The following TTC29 variants were observed in gnomAD, a reference collection of about 807,000 sequenced individuals.
TTC29 encodes tetratricopeptide repeat protein 29.
Under a neutral mutation model 58.1 loss-of-function variants are expected in TTC29, and 49 were observed. The observed-to-expected ratio is 0.84, with a 90% CI of 0.67 to 1.07. The LOEUF (loss-of-function observed/expected upper bound fraction) is 1.07. Among genes scored for constraint, TTC29 ranks in the 50% least tolerant of loss-of-function variants. The pLI is 0.00. For synonymous variants in TTC29, 209 were observed against 196.8 expected, an observed-to-expected ratio of 1.06 and a Z score of -0.52; for missense variants, 582 against 555.6, an observed-to-expected ratio of 1.05 and a Z score of -0.48.
intron 11 of TTC29, among the ~76,000 whole-genome samples, chr4:146,754,391 A>T (rs1746272155): frequency 6.6e-6 from 1 of 152,154 alleles, no homozygotes; most frequent in Non-Finnish European, 1.5e-5. Context: ...AATTATACCA[A>T]TACTTCTTAA....
chr4:146,883,616 T>C (rs746634122), intron 6 of TTC29, among the ~76,000 whole-genome samples: 1 of 152,074 alleles, frequency 6.6e-6, no homozygotes, highest in African/African-American at 2.4e-5. Flanking sequence ...GCAGTGCCTC[T>C]TCCTAGACAG....
Position 146,771,007 on chromosome 4 carries a change from A to G in TTC29, c.1330+32450T>C, listed in dbSNP as rs58281443. 2.4e-3 allele frequency among the ~76,000 whole-genome samples: 369 copies of G among 152,162 alleles called. 2 individuals are homozygous for G. Among genetic ancestry groups the G allele is most frequent in the African/African-American group, 8.5e-3 (354 of 41,562 alleles). On this transcript the variant is annotated intron_variant, in intron 11 of 12. Coordinates refer to ENST00000325106, the MANE Select transcript of TTC29 (RefSeq NM_031956.4). ...TTAGTCATTATTTTCTATTAGTTCT[A>G]AAGTTTTAGCTGTTATTATGTCCAA...
chr4:146,801,071 G>A (rs1026772584), intron 11 of TTC29, among the ~76,000 whole-genome samples: 2 of 152,132 alleles, frequency 1.3e-5, no homozygotes, highest in African/African-American at 4.8e-5. Context: ...TAAACCATGT[G>A]GTATGCTGAG....
intron 11 of TTC29, among the ~76,000 whole-genome samples, chr4:146,727,701 T>A (rs183128483): frequency 4.7e-4 from 71 of 152,352 alleles, no homozygotes; most frequent in African/African-American, 1.6e-3. Flanking sequence ...TGAATAATAT[T>A]CCATTGTCGG....
chr4:146,834,848 T>C (rs971218519), intron 8 of TTC29, among the ~76,000 whole-genome samples: 1 of 152,128 alleles, frequency 6.6e-6, no homozygotes, highest in African/African-American at 2.4e-5. Flanking sequence ...GTGTCAATAT[T>C]TGGGAAATAA....
intron 11 of TTC29, among the ~76,000 whole-genome samples, chr4:146,791,599 C>T (rs78382281): frequency 2.0e-5 from 3 of 152,192 alleles, no homozygotes; most frequent in Admixed American, 6.6e-5. Context: ...TAACCCTACA[C>T]TGGCCTCTAA....
chr4:146,864,222 C>T (rs1301392821), intron 8 of TTC29, among the ~76,000 whole-genome samples: 1 of 152,010 alleles, frequency 6.6e-6, no homozygotes, highest in Non-Finnish European at 1.5e-5. Context: ...ACATTCCCTA[C>T]CCCCGAAAAC....
chr4:146,919,885 T>A (rs1734471137), intron 4 of TTC29, among the ~76,000 whole-genome samples: 2 of 151,138 alleles, frequency 1.3e-5, no homozygotes, highest in Admixed American at 1.3e-4. Context: ...AGTTGCATTA[T>A]AAAGAAAACT....
chr4:146,843,728 T>A (rs1418522093), intron 8 of TTC29, among the ~76,000 whole-genome samples: 1 of 152,220 alleles, frequency 6.6e-6, no homozygotes, highest in South Asian at 2.1e-4. Flanking sequence ...TCTTTAATAA[T>A]CAAACATATG....
At chr4:146,708,470 T>C (rs1356359580) in intron 11 of TTC29, among the ~76,000 whole-genome samples, 1 of 148,880 alleles carries the variant, frequency 6.7e-6, no homozygotes, top group Admixed American at 6.7e-5. Flanking sequence ...ATATGGGAAG[T>C]TTATATATGT....
chr4:146,893,194 T>C (rs1263552151), intron 6 of TTC29, among the ~76,000 whole-genome samples: 1 of 152,156 alleles, frequency 6.6e-6, no homozygotes, highest in Non-Finnish European at 1.5e-5. Flanking sequence ...AAAGTTCATA[T>C]GGAACCAAAA....
intron 5 of TTC29, among the ~76,000 whole-genome samples, chr4:146,904,426 GT>G (rs1016931764): frequency 3.3e-5 from 5 of 151,674 alleles, no homozygotes; most frequent in Admixed American, 6.6e-5. Flanking sequence ...ACTCTTGTAG[GT>G]TTTTTTTCCT....
intron 11 of TTC29, among the ~76,000 whole-genome samples, chr4:146,774,984 C>A (rs1272832078): frequency 1.3e-5 from 2 of 152,024 alleles, no homozygotes; most frequent in African/African-American, 4.8e-5. Context: ...TTGAATGGAA[C>A]CCTTTACTAT....
chr4:146,880,001 C>T (rs1731519830), intron 6 of TTC29, among the ~76,000 whole-genome samples: 1 of 152,100 alleles, frequency 6.6e-6, no homozygotes, highest in Non-Finnish European at 1.5e-5. Context: ...GGAAGACACA[C>T]TAACTGCTGA....
chr4:146,793,550 AC>A (rs1439733762), intron 11 of TTC29, among the ~76,000 whole-genome samples: 4 of 152,132 alleles, frequency 2.6e-5, no homozygotes, highest in Non-Finnish European at 4.4e-5. Flanking sequence ...TTTTATATGT[AC>A]TAAGAAACCA....
chr4:146,910,752 C>T (rs1224417960), intron 4 of TTC29, among the ~76,000 whole-genome samples: 5 of 151,962 alleles, frequency 3.3e-5, no homozygotes, highest in African/African-American at 1.2e-4. Flanking sequence ...AGAACTAGTT[C>T]GTAAAGAGAA....
chr4:146,819,990 C>T (rs904233829), intron 10 of TTC29, 135 bp downstream of exon 10: 6 of 1,140,898 alleles, frequency 5.3e-6, no homozygotes, highest in Non-Finnish European at 7.6e-6. Context: ...ACATTAACTA[C>T]ACCCTGCAGT....
intron 3 of TTC29, among the ~76,000 whole-genome samples, chr4:146,938,407 A>T (rs1051785578): frequency 6.6e-6 from 1 of 152,196 alleles, no homozygotes; most frequent in Non-Finnish European, 1.5e-5. Context: ...AAATGAATAC[A>T]AGAAAACGTT....
intron 11 of TTC29, among the ~76,000 whole-genome samples, chr4:146,714,499 T>C (rs1052268224): frequency 2.6e-5 from 4 of 151,552 alleles, no homozygotes; most frequent in East Asian, 3.9e-4. Context: ...GTTCAAGAAA[T>C]TGGGCAGAAA....
Sources: allele counts gnomAD v4.1 joint callset (sites outside exome capture counted in the v4.1 genomes callset), GRCh38; gene constraint gnomAD v4.1.1; transcripts MANE v1.5; gene names NCBI Gene and HGNC (gene_info 2026-07-23, HGNC 2026-07-21).